The following SYN3 variants were observed in gnomAD, a reference collection of about 807,000 sequenced individuals.
SYN3 encodes the protein synapsin III.
SYN3 carries 35 observed loss-of-function variants against 65.8 expected under a neutral mutation model. That is an observed-to-expected ratio of 0.53 (90% confidence interval 0.41 to 0.70). The LOEUF (loss-of-function observed/expected upper bound fraction) is 0.70. SYN3 is among the 30% of genes least tolerant of loss of function. The probability of loss-of-function intolerance (pLI) is 0.00; values close to 1 mark genes in which losing one functional copy is unlikely to be tolerated. For missense variants in SYN3, 680 were observed against 749.0 expected, an observed-to-expected ratio of 0.91 and a Z score of 1.08; for synonymous variants, 270 against 292.9, an observed-to-expected ratio of 0.92 and a Z score of 0.80.
At chr22:32,983,512 G>T (rs2052430936) in intron 2 of SYN3, among the ~76,000 whole-genome samples, 1 of 152,156 alleles carries the variant, frequency 6.6e-6, no homozygotes, top group South Asian at 2.1e-4. Context: ...TGACAGCTCT[G>T]ATATTAGCAC....
At chr22:32,866,344 G>A (rs2048688461) in intron 5 of SYN3, among the ~76,000 whole-genome samples, 1 of 152,132 alleles carries the variant, frequency 6.6e-6, no homozygotes. Context: ...AGCACAACAG[G>A]GAGTCAACTT....
chr22:32,931,571 G>C (rs930664329), intron 3 of SYN3, 90 bp from the exon 4 acceptor site: 45 of 858,416 alleles, frequency 5.2e-5, no homozygotes, highest in Non-Finnish European at 8.5e-5. Flanking sequence ...GAGGTACAAA[G>C]TACACCTTTA....
chr22:32,649,708 GTGACAACACAGGA>G (rs2146939990), intron 6 of SYN3, among the ~76,000 whole-genome samples: 1 of 152,288 alleles, frequency 6.6e-6, no homozygotes, highest in African/African-American at 2.4e-5. Context: ...ATCTAGAATT[GTGACAACACAGGA>G]TGACTCAGGC....
At chr22:32,940,225 A>G (rs1317341170) in intron 3 of SYN3, among the ~76,000 whole-genome samples, 1 of 152,158 alleles carries the variant, frequency 6.6e-6, no homozygotes, top group Non-Finnish European at 1.5e-5. Context: ...TTATTAATTT[A>G]TAAAGGTATC....
intron 6 of SYN3, among the ~76,000 whole-genome samples, chr22:32,750,683 A>G (rs2045091503): frequency 6.6e-6 from 1 of 152,174 alleles, no homozygotes; most frequent in South Asian, 2.1e-4. Context: ...GCCAGCTAGA[A>G]GGTGGCTGCA....
At chr22:32,514,068 C>T (rs1007839995) in intron 13 of SYN3, among the ~76,000 whole-genome samples, 9 of 152,114 alleles carry the variant, frequency 5.9e-5, no homozygotes, top group South Asian at 4.2e-4. Context: ...TAACTTGCTC[C>T]GGTCCTCACA....
chr22:32,561,433 G>A lies in SYN3; in HGVS notation c.775-19720C>T, dbSNP rs745679996. Reference sequence around the variant, plus strand: ...CCAAACCTGCTTGGCTTGCCTATGGGTGTGTCTGCAGAGAAGGTATTTTTG... The same window carrying A: ...CCAAACCTGCTTGGCTTGCCTATGGATGTGTCTGCAGAGAAGGTATTTTTG... On this transcript the variant is annotated intron_variant, in intron 7 of 13. Transcript: ENST00000358763. Among the ~76,000 whole-genome samples, 94 of 152,176 alleles carry A rather than the reference G, an allele frequency of 6.2e-4. 1 individual carries two copies. The highest frequency in any genetic ancestry group is 1.9e-4 in the Non-Finnish European group (13 of 68,040).
intron 1 of SYN3, among the ~76,000 whole-genome samples, chr22:33,010,767 C>T (rs889189664): frequency 2.0e-5 from 3 of 152,158 alleles, no homozygotes; most frequent in African/African-American, 7.2e-5. Flanking sequence ...TCTATGAACA[C>T]AGTAGACCCC....
At chr22:32,705,930 A>C (rs1463961698) in intron 6 of SYN3, among the ~76,000 whole-genome samples, 2 of 152,210 alleles carry the variant, frequency 1.3e-5, no homozygotes, top group Non-Finnish European at 2.9e-5. Flanking sequence ...ACTTTGCTGA[A>C]GTTGTTTATC....
At chr22:32,578,467 C>T (rs1170018964) in intron 7 of SYN3, among the ~76,000 whole-genome samples, 1 of 152,042 alleles carries the variant, frequency 6.6e-6, no homozygotes, top group Non-Finnish European at 1.5e-5. Context: ...CCAGGTTGGT[C>T]TTGAACTCCT....
chr22:32,578,157 C>A (rs980705191), intron 7 of SYN3, among the ~76,000 whole-genome samples: 1 of 152,032 alleles, frequency 6.6e-6, no homozygotes, highest in Non-Finnish European at 1.5e-5. Flanking sequence ...CCAGTATTTT[C>A]TTTCTTTCCT....
intron 1 of SYN3, among the ~76,000 whole-genome samples, chr22:33,009,373 T>A (rs865842794): frequency 6.6e-6 from 1 of 152,198 alleles, no homozygotes; most frequent in African/African-American, 2.4e-5. Flanking sequence ...TTTAATGACA[T>A]TGAACAAGTT....
At chr22:32,890,071 G>GTTT (rs2049400596) in intron 4 of SYN3, among the ~76,000 whole-genome samples, 1 of 67,910 alleles carries the variant, frequency 1.5e-5, no homozygotes, top group African/African-American at 4.7e-5. Context: ...AGATTTAGCT[G>GTTT]CTTTTTTTTT....
At chr22:32,655,695 G>T (rs926583743) in intron 6 of SYN3, among the ~76,000 whole-genome samples, 1 of 152,158 alleles carries the variant, frequency 6.6e-6, no homozygotes, top group Non-Finnish European at 1.5e-5. Context: ...ATCACCCCCA[G>T]ATGGGACCGT....
At chr22:32,708,603 C>G (rs916556844) in intron 6 of SYN3, among the ~76,000 whole-genome samples, 1 of 152,164 alleles carries the variant, frequency 6.6e-6, no homozygotes, top group African/African-American at 2.4e-5. Flanking sequence ...GGGGACCCTA[C>G]CCGGTGGTTT....
chr22:33,004,791 T>G (rs1387296234), intron 2 of SYN3, among the ~76,000 whole-genome samples: 1 of 152,192 alleles, frequency 6.6e-6, no homozygotes, highest in Non-Finnish European at 1.5e-5. Flanking sequence ...GGGGAACTGT[T>G]GGGAAGGCAT....
chr22:32,980,405 G>C (rs1265371434), intron 3 of SYN3, among the ~76,000 whole-genome samples: 1 of 152,140 alleles, frequency 6.6e-6, no homozygotes, highest in East Asian at 1.9e-4. Context: ...CTCTTTTGTA[G>C]AATGAGTTCC....
rs138611451 is a variant in SYN3 at position 33,044,093 on chromosome 22, T to G, written c.-163+14199A>C. Among the ~76,000 whole-genome samples the G allele has an allele frequency of 2.0e-5, 3 of 150,416 alleles. No individual in the cohort carries two copies. The East Asian group carries it at 5.9e-4, about 29-fold the overall frequency. On this transcript the variant is annotated intron_variant, in intron 1 of 13. Coordinates refer to ENST00000358763, the MANE Select transcript of SYN3 (RefSeq NM_003490.4). ...GCATTGAACTATGCTTTGCACACAGTGAGGATGCAACAACCTAGCAGTTAG... is the reference window on the plus strand; with the variant it reads ...GCATTGAACTATGCTTTGCACACAGGGAGGATGCAACAACCTAGCAGTTAG...
intron 6 of SYN3, among the ~76,000 whole-genome samples, chr22:32,843,926 G>T (rs966082803): frequency 6.6e-6 from 1 of 152,132 alleles, no homozygotes; most frequent in Non-Finnish European, 1.5e-5. Flanking sequence ...AGGAATGGGG[G>T]TGTTGTGTGT....
Sources: allele counts gnomAD v4.1 joint callset (sites outside exome capture counted in the v4.1 genomes callset), GRCh38; gene constraint gnomAD v4.1.1; transcripts MANE v1.5; gene names NCBI Gene and HGNC (gene_info 2026-07-23, HGNC 2026-07-21).